DAB2: variants seen among roughly 807,000 people sequenced by gnomAD.
DAB2 encodes disabled homolog 2.
Under a neutral mutation model 71.6 loss-of-function variants are expected in DAB2, and 28 were observed. The ratio of observed to expected loss-of-function variants is 0.39; its 90% CI spans 0.29 to 0.54. DAB2 has a LOEUF of 0.54. Ranked by LOEUF, DAB2 falls within the 20% of genes least tolerant of loss-of-function variation. DAB2 has a pLI of 0.68. For synonymous variants in DAB2, 345 were observed against 339.7 expected (o/e 1.02, Z -0.17); for missense variants, 867 against 928.8 (o/e 0.93, Z 0.86).
At chr5:39,415,498 G>A (rs1429229707) in intron 1 of DAB2, among the ~76,000 whole-genome samples, 1 of 152,118 alleles carries the variant, frequency 6.6e-6, no homozygotes, top group East Asian at 1.9e-4. Context: ...ATGTTCTGTG[G>A]CACTTTTAAT....
chr5:39,384,449 T>TGTGG (rs1755050825), intron 9 of DAB2, among the ~76,000 whole-genome samples: 1 of 152,220 alleles, frequency 6.6e-6, no homozygotes, highest in Non-Finnish European at 1.5e-5. Context: ...CTCACTTATT[T>TGTGG]TCAGACCAAG....
At chr5:39,411,425 A>T (rs1485806147) in intron 1 of DAB2, among the ~76,000 whole-genome samples, 4 of 152,138 alleles carry the variant, frequency 2.6e-5, no homozygotes, top group African/African-American at 9.7e-5. Context: ...TGCCATTTCA[A>T]TACTTAAGGG....
intron 1 of DAB2, among the ~76,000 whole-genome samples, chr5:39,424,470 TACACACACAC>T (rs56974213): frequency 0.16 from 21,168 of 134,424 alleles, 1,862 homozygotes; most frequent in African/African-American, 0.22. Context: ...GCAGACCTTT[TACACACACAC>T]ACACACACAC....
chr5:39,376,551 G>C, intron 12 of DAB2, 99 bp downstream of exon 12: 3 of 1,386,528 alleles, frequency 2.2e-6, no homozygotes, highest in Non-Finnish European at 3.0e-6. Context: ...GAGCAAAGCT[G>C]TTGGCGGGTG....
At chr5:39,409,822 AC>A (rs1182047970) in intron 1 of DAB2, among the ~76,000 whole-genome samples, 11 of 152,136 alleles carry the variant, frequency 7.2e-5, no homozygotes, top group Non-Finnish European at 1.6e-4. Flanking sequence ...TTTCTATACC[AC>A]TTTTCACAAG....
chr5:39,395,937 C>CTTTTTTTGTTTTTTTT (rs1755356720), intron 1 of DAB2, among the ~76,000 whole-genome samples: 1 of 74,858 alleles, frequency 1.3e-5, no homozygotes, highest in Non-Finnish European at 2.3e-5. Context: ...CACAGATATT[C>CTTTTTTTGTTTTTTTT]TTTTTTTTTT....
chr5:39,375,414 C>T lies in DAB2; in HGVS notation c.2248-330G>A, dbSNP rs375058240. ...ACAGTATTTTGGCTCAATTTTCTCCCGAAATGCTTTCATGGGTCAGGTTAA... is the reference window on the plus strand; with the variant it reads ...ACAGTATTTTGGCTCAATTTTCTCCTGAAATGCTTTCATGGGTCAGGTTAA... On this transcript the variant is annotated intron_variant, in intron 13 of 14. Coordinates refer to ENST00000320816, the MANE Select transcript of DAB2 (RefSeq NM_001343.4). Among the ~76,000 whole-genome samples, 215 of 152,200 alleles carry T rather than the reference C, an allele frequency of 1.4e-3. 10 individuals are homozygous for T. In the South Asian group the frequency reaches 0.04, roughly 28 times the overall value.
chr5:39,393,443 C>A, intron 2 of DAB2, 50 bp from the exon 3 acceptor site: 1 of 1,594,056 alleles, frequency 6.3e-7, no homozygotes, highest in South Asian at 1.1e-5. Context: ...CTAATTATGA[C>A]CAAATATGCT....
intron 1 of DAB2, among the ~76,000 whole-genome samples, chr5:39,415,410 T>C (rs1015911404): frequency 6.6e-6 from 1 of 152,184 alleles, no homozygotes; most frequent in African/African-American, 2.4e-5. Flanking sequence ...GGAAACACTA[T>C]GCTCATTTGG....
chr5:39,401,796 A>C (rs1431920896), intron 1 of DAB2, among the ~76,000 whole-genome samples: 3 of 149,480 alleles, frequency 2.0e-5, no homozygotes, highest in Non-Finnish European at 3.0e-5. Context: ...TCTGTCGCCC[A>C]GGCTGGAGTG....
chr5:39,407,701 G>A (rs1385718823), intron 1 of DAB2, among the ~76,000 whole-genome samples: 2 of 152,094 alleles, frequency 1.3e-5, no homozygotes, highest in African/African-American at 2.4e-5. Flanking sequence ...CACCTATGAC[G>A]CATATGCATA....
rs569994892 is a variant in DAB2, at chr5:39,401,898, G to A, written c.-101-7477C>T. ...CTCCCAAGTAGCTGGGACTACAGGC[G>A]CCTGCCATCATGCCTGGCTAATTTT... On this transcript the variant is annotated intron_variant, in intron 1 of 14. Transcript: ENST00000320816. Among the ~76,000 whole-genome samples, 148 of 152,014 alleles carry A rather than the reference G, an allele frequency of 9.7e-4. 2 individuals are homozygous for A. The highest frequency in any genetic ancestry group is 3.4e-3 in the African/African-American group (139 of 41,434).
At chr5:39,374,946 C>T (rs377086707) in intron 14 of DAB2, 68 bp downstream of exon 14, 92 of 985,186 alleles carry the variant, frequency 9.3e-5, no homozygotes, top group East Asian at 4.3e-4. Flanking sequence ...TAAAATTTCA[C>T]TCTTTATTCC....
intron 1 of DAB2, among the ~76,000 whole-genome samples, chr5:39,400,233 CTT>C (rs376493709): frequency 8.2e-5 from 12 of 146,578 alleles, no homozygotes; most frequent in African/African-American, 3.0e-4. Flanking sequence ...ATGTGTCTCT[CTT>C]TTTTTTTTTT....
At chr5:39,375,188 G>T in intron 13 of DAB2, 104 bp from the exon 14 acceptor site, 1 of 740,986 alleles carries the variant, frequency 1.3e-6, no homozygotes, top group Non-Finnish European at 2.3e-6. Flanking sequence ...TAGGTCATAG[G>T]CCAATCAGCC....
intron 10 of DAB2, among the ~76,000 whole-genome samples, chr5:39,381,955 T>A (rs961886330): frequency 3.9e-5 from 6 of 152,154 alleles, no homozygotes; most frequent in Admixed American, 3.9e-4. Flanking sequence ...CAACTACCAA[T>A]AAGCATCCTA....
Position 39,382,775 on chromosome 5 carries a change from G to C in DAB2, c.1184C>G (p.Pro395Arg), listed in dbSNP as rs186305041. The change falls in exon 10 of 15, where the codon CCG (proline) becomes CGG (arginine). Residue 395 changes from proline to arginine, a missense_variant. Physicochemically the swap from Pro to Arg is moderately radical, Grantham distance 103. This residue lies in a region of DAB2 where 740 missense variants were observed against 734.3 expected (regional missense o/e 1.01). Coordinates refer to ENST00000320816, the MANE Select transcript of DAB2 (RefSeq NM_001343.4). Reference protein sequence around the residue: ...EQNGFSVKSSPNPFVGSPPKG... With the variant: ...EQNGFSVKSSRNPFVGSPPKG... ...GGGAGGGCTTCCCACAAAAGGGTTC[G>C]GGGAGGATTTGACAGAGAAGCCGTT... 8 of 1,614,118 alleles carry C rather than the reference G, an allele frequency of 5.0e-6. No homozygotes were observed. The highest frequency in any genetic ancestry group is 1.3e-5 in the African/African-American group (1 of 75,024).
At chr5:39,418,135 G>A (rs1311765437) in intron 1 of DAB2, 3 of 152,170 alleles carry the variant, frequency 2.0e-5, no homozygotes, top group Admixed American at 2.0e-4. Context: ...TATAACTAAA[G>A]CACAGCTGAC....
intron 4 of DAB2, among the ~76,000 whole-genome samples, chr5:39,390,931 C>A (rs566084278): frequency 6.6e-6 from 1 of 152,256 alleles, no homozygotes; most frequent in East Asian, 1.9e-4. Flanking sequence ...ACTTTCCCAA[C>A]TCAAAGACAA....
Sources: gnomAD v4.1 joint callset for allele counts (sites outside exome capture counted in the v4.1 genomes callset) on GRCh38, gnomAD v4.1.1 for gene constraint, gnomAD v4.1.1 regional missense constraint, MANE v1.5 for transcripts, NCBI Gene and HGNC (gene_info 2026-07-23, HGNC 2026-07-21) for gene names.